NDE1: variants seen among roughly 807,000 people sequenced by gnomAD.
NDE1 encodes the protein nudE neurodevelopment protein 1.
A neutral mutation model predicts 43.4 loss-of-function variants in NDE1; 28 were observed. That is an observed-to-expected ratio of 0.65 (90% CI 0.48 to 0.89). NDE1 has a LOEUF of 0.89. Ranked by LOEUF, NDE1 falls within the 40% of genes least tolerant of loss-of-function variation. The probability of loss-of-function intolerance (pLI) is 0.00; values close to 1 mark genes in which losing one functional copy is unlikely to be tolerated. For synonymous variants in NDE1, 184 were observed against 172.0 expected, an observed-to-expected ratio of 1.07 and a Z score of -0.55; for missense variants, 441 against 434.1, an observed-to-expected ratio of 1.02 and a Z score of -0.14.
intron 5 of NDE1, among the ~76,000 whole-genome samples, chr16:15,689,657 C>T (rs1409493780): frequency 6.6e-6 from 1 of 152,056 alleles, no homozygotes; most frequent in Non-Finnish European, 1.5e-5. Context: ...ATGGAGAGAA[C>T]AGCTGGGCGC....
intron 4 of NDE1, among the ~76,000 whole-genome samples, chr16:15,682,790 T>C (rs2038249922): frequency 6.6e-6 from 1 of 152,166 alleles, no homozygotes. Flanking sequence ...AGTGGTGCGA[T>C]CTTAGCTCAC....
intron 8 of NDE1, among the ~76,000 whole-genome samples, chr16:15,706,490 G>A (rs913626169): frequency 1.8e-4 from 27 of 152,242 alleles, no homozygotes; most frequent in Admixed American, 2.6e-4. Context: ...CAGATCACTC[G>A]TGAGGTCAGT....
chr16:15,700,803 G>A (rs2039195275), intron 8 of NDE1, among the ~76,000 whole-genome samples: 1 of 152,218 alleles, frequency 6.6e-6, no homozygotes, highest in East Asian at 1.9e-4. Context: ...GTAAATGTGG[G>A]ATGGAGCTTC....
chr16:15,670,961 G>A (rs1009891193), intron 3 of NDE1, among the ~76,000 whole-genome samples: 1 of 152,156 alleles, frequency 6.6e-6, no homozygotes, highest in African/African-American at 2.4e-5. Flanking sequence ...GCTTTCTGTT[G>A]GAGACCACAG....
Position 15,693,755 on chromosome 16 carries a change from C to T in NDE1, c.704-410C>T, listed in dbSNP as rs1030473073. On this transcript the variant is annotated intron_variant, in intron 6 of 8. Coordinates refer to ENST00000396354, the MANE Select transcript of NDE1 (RefSeq NM_017668.3). ...AAGAGTTCGAGACCAGCCTGGACAA[C>T]GTGATGGAACTCTGTCTCTACTAAA... 6.6e-5 allele frequency among the ~76,000 whole-genome samples: 10 copies of T among 152,220 alleles called. No homozygotes were observed. In the South Asian group the frequency reaches 1.5e-3, roughly 22 times the overall value.
chr16:15,670,355 C>T (rs982312201), intron 3 of NDE1, among the ~76,000 whole-genome samples: 1 of 152,040 alleles, frequency 6.6e-6, no homozygotes, highest in Non-Finnish European at 1.5e-5. Flanking sequence ...GATGTGGGGG[C>T]CTTTCAAGAG....
intron 8 of NDE1, chr16:15,714,532 A>C (rs1322563051): frequency 2.6e-6 from 1 of 377,950 alleles, no homozygotes; most frequent in Non-Finnish European, 5.0e-6. Flanking sequence ...AGAGCATGTC[A>C]GGAAGGAGGT....
chr16:15,645,238 C>A (rs1416354366), intron 1 of NDE1, among the ~76,000 whole-genome samples: 2 of 152,012 alleles, frequency 1.3e-5, no homozygotes, highest in Admixed American at 6.6e-5. Flanking sequence ...GTATATTTTT[C>A]TTTTAGATTC....
At position 15,725,338 on chromosome 16, in the gene NDE1, C is replaced by G. The variant is rs946797902; in HGVS notation, c.*1087C>G. 1.8e-6 allele frequency: 1 copy of G among 561,044 alleles called. No individual in the cohort carries two copies. Among genetic ancestry groups the G allele is most frequent in the South Asian group, 2.2e-5 (1 of 44,624 alleles). 34.8% of individuals were successfully genotyped at this position (561,044 alleles called of 1,614,324 possible). On this transcript the variant is annotated 3_prime_UTR_variant, in exon 9 of 9. Coordinates refer to ENST00000396354, the MANE Select transcript of NDE1 (RefSeq NM_017668.3). The stretch of plus-strand genomic sequence containing the variant: ...GGTTGGTAGAGACAAAGCAGCAGGT[C>G]TGAGAGTCCAGACGAGGTGCTCTGG...
intron 3 of NDE1, among the ~76,000 whole-genome samples, chr16:15,675,006 C>G (rs1215253016): frequency 6.6e-6 from 1 of 152,040 alleles, no homozygotes; most frequent in African/African-American, 2.4e-5. Flanking sequence ...ATGTGGCTTT[C>G]TTTGGTTGTG....
Position 15,708,856 on chromosome 16 carries a change from G to A in NDE1, c.947+11996G>A, listed in dbSNP as rs772569815. On this transcript the variant is annotated intron_variant, in intron 8 of 8. Transcript: ENST00000396354. ...GGGGGGGCCCTCTGAAACAGAGAGA[G>A]AATCCCCGGAGGTTACCATCAGCAA... 33 of 1,608,476 alleles carry A rather than the reference G, an allele frequency of 2.1e-5. No individual in the cohort carries two copies. Among genetic ancestry groups the A allele is most frequent in the Non-Finnish European group, 2.7e-5 (32 of 1,177,688 alleles).
intron 1 of NDE1, among the ~76,000 whole-genome samples, chr16:15,657,593 C>A (rs533716768): frequency 2.6e-5 from 4 of 152,010 alleles, no homozygotes; most frequent in African/African-American, 9.6e-5. Context: ...AACACTCTAC[C>A]CCCTTTTTAT....
chr16:15,698,635 G>T (rs1312488260), intron 8 of NDE1, among the ~76,000 whole-genome samples: 1 of 152,114 alleles, frequency 6.6e-6, no homozygotes, highest in Non-Finnish European at 1.5e-5. Flanking sequence ...GAAGTGGGTG[G>T]ATCACTTGAG....
chr16:15,673,944 G>A (rs951880091), intron 3 of NDE1, among the ~76,000 whole-genome samples: 1 of 152,170 alleles, frequency 6.6e-6, no homozygotes, highest in African/African-American at 2.4e-5. Flanking sequence ...CAGGAGGCTG[G>A]GGTTTGGTCT....
At chr16:15,682,866 A>T (rs1036231773) in intron 4 of NDE1, among the ~76,000 whole-genome samples, 18 of 152,072 alleles carry the variant, frequency 1.2e-4, no homozygotes, top group Admixed American at 1.1e-3. Context: ...CTGGGACTAC[A>T]TTGCATGTGC....
chr16:15,713,034 T>C (rs1055655259), intron 8 of NDE1: 3 of 151,800 alleles, frequency 2.0e-5, no homozygotes, highest in Non-Finnish European at 4.4e-5. Flanking sequence ...TTATATTTTT[T>C]GGTAGAGACA....
At chr16:15,653,044 A>G (rs2036581791) in intron 1 of NDE1, among the ~76,000 whole-genome samples, 2 of 152,172 alleles carry the variant, frequency 1.3e-5, no homozygotes, top group Admixed American at 6.6e-5. Context: ...GGTGTCAGGT[A>G]CAAATCCACA....
chr16:15,692,952 A>G (rs140796253), intron 6 of NDE1, among the ~76,000 whole-genome samples: 135 of 150,482 alleles, frequency 9.0e-4, no homozygotes, highest in Non-Finnish European at 1.6e-3. Context: ...TCTTGGTAGA[A>G]TGTACCTCAG....
intron 8 of NDE1, among the ~76,000 whole-genome samples, chr16:15,707,809 T>C (rs2039537779): frequency 6.6e-6 from 1 of 151,986 alleles, no homozygotes; most frequent in Non-Finnish European, 1.5e-5. Flanking sequence ...CTGTCTCTAA[T>C]AAAAATACAA....
Sources: allele counts gnomAD v4.1 joint callset (sites outside exome capture counted in the v4.1 genomes callset), GRCh38; gene constraint gnomAD v4.1.1; transcripts MANE v1.5; gene names NCBI Gene and HGNC (gene_info 2026-07-23, HGNC 2026-07-21).